Variants in ANO4 observed in about 807,000 individuals in gnomAD.
ANO4 encodes anoctamin 4, also known as anoctamin-4.
ANO4 carries 69 observed loss-of-function variants against 141.9 expected under a neutral mutation model. The ratio of observed to expected loss-of-function variants is 0.49; its 90% CI spans 0.40 to 0.59. The LOEUF (loss-of-function observed/expected upper bound fraction) is 0.59, where lower values mean the gene tolerates loss of function less well. Among genes scored for constraint, ANO4 ranks in the 20% least tolerant of loss-of-function variants. The pLI is 0.00. For synonymous variants in ANO4, 350 were observed against 394.3 expected (o/e 0.89, Z 1.33); for missense variants, 894 against 1,162.2 (o/e 0.77, Z 3.36).
intron 5 of ANO4, among the ~76,000 whole-genome samples, chr12:100,964,115 T>C (rs1026099134): frequency 2.0e-5 from 3 of 152,178 alleles, no homozygotes; most frequent in African/African-American, 7.2e-5. Context: ...GCATTGACTG[T>C]AATATATAAT....
chr12:100,747,458 T>G (rs762250232), intron 3 of ANO4, among the ~76,000 whole-genome samples: 1 of 152,192 alleles, frequency 6.6e-6, no homozygotes, highest in Non-Finnish European at 1.5e-5. Context: ...TCAAGACCAT[T>G]GGTAATCTCC....
intron 2 of ANO4, chr12:100,739,750 T>G: frequency 1.5e-6 from 1 of 650,882 alleles, no homozygotes; most frequent in Non-Finnish European, 2.8e-6. Context: ...TTAGCTCAAA[T>G]GGTATTTGGT....
chr12:100,921,535 G>A (rs1451695490), intron 2 of ANO4, among the ~76,000 whole-genome samples: 1 of 152,114 alleles, frequency 6.6e-6, no homozygotes, highest in Non-Finnish European at 1.5e-5. Context: ...AGGTTTGGAA[G>A]GTTTATTGTT....
At chr12:100,788,942 C>A (rs952999259) in intron 3 of ANO4, among the ~76,000 whole-genome samples, 16 of 151,256 alleles carry the variant, frequency 1.1e-4, no homozygotes, top group Admixed American at 1.1e-3. Flanking sequence ...AGAAGCCATT[C>A]CAGGATCTAA....
chr12:100,991,748 C>T (rs956593873), intron 8 of ANO4, among the ~76,000 whole-genome samples: 1 of 152,050 alleles, frequency 6.6e-6, no homozygotes, highest in Non-Finnish European at 1.5e-5. Context: ...CTTTCTCACT[C>T]ATTTTTGAAT....
intron 1 of ANO4, among the ~76,000 whole-genome samples, chr12:100,729,390 A>AAAAAAAAAT (rs869060169): frequency 1.4e-5 from 2 of 146,032 alleles, no homozygotes; most frequent in Non-Finnish European, 3.0e-5. Flanking sequence ...AAAAAAAAAA[A>AAAAAAAAAT]GGTAACACTA....
At chr12:100,795,148 G>A (rs2034226410) in intron 1 of ANO4, 121 bp downstream of exon 1, 1 of 152,698 alleles carries the variant, frequency 6.5e-6, no homozygotes, top group Admixed American at 6.5e-5. Context: ...CATGGATCTT[G>A]TCTGGGATGA....
chr12:100,983,707 T>C (rs1056246287), intron 7 of ANO4, among the ~76,000 whole-genome samples: 1 of 152,232 alleles, frequency 6.6e-6, no homozygotes, highest in Non-Finnish European at 1.5e-5. Flanking sequence ...TGATTCTCCT[T>C]CTGCCACATC....
intron 3 of ANO4, among the ~76,000 whole-genome samples, chr12:100,756,589 T>C (rs1450233448): frequency 1.3e-5 from 2 of 152,024 alleles, no homozygotes; most frequent in Non-Finnish European, 2.9e-5. Context: ...ACCTTGTGAT[T>C]CACCCACCTT....
At chr12:100,970,687 T>TC (rs2043888733) in intron 5 of ANO4, among the ~76,000 whole-genome samples, 3 of 116,586 alleles carry the variant, frequency 2.6e-5, no homozygotes, top group Non-Finnish European at 5.2e-5. Flanking sequence ...CCTTCCTTCC[T>TC]TCCTTCCTTC....
intron 3 of ANO4, among the ~76,000 whole-genome samples, chr12:100,923,872 T>C (rs1310890904): frequency 1.3e-5 from 2 of 152,218 alleles, no homozygotes; most frequent in African/African-American, 4.8e-5. Flanking sequence ...TTGATTTGCA[T>C]TTCTCTGATG....
intron 5 of ANO4, among the ~76,000 whole-genome samples, chr12:100,957,121 A>G (rs1197600109): frequency 1.3e-5 from 2 of 152,206 alleles, no homozygotes; most frequent in African/African-American, 4.8e-5. Flanking sequence ...TGAAGAAAAT[A>G]TTATCATTTA....
chr12:100,922,327 G>A lies in ANO4; in HGVS notation c.157G>A (p.Glu53Lys), dbSNP rs1218218611. The A allele has an allele frequency of 1.3e-6, 2 of 1,524,450 alleles. No individual in the cohort carries two copies. Among genetic ancestry groups the A allele is most frequent in the Non-Finnish European group, 1.7e-6 (2 of 1,142,874 alleles). 94.4% of individuals were successfully genotyped at this position (1,524,450 alleles called of 1,614,324 possible). ...DFSEILNAIQ[E>K]MAKDVNILFD... ...TTCAGAGATTCTTAATGCAATACAAGAAAGTAAGTTTCACTCAAATTTTAA... is the reference window on the plus strand; with the variant it reads ...TTCAGAGATTCTTAATGCAATACAAAAAAGTAAGTTTCACTCAAATTTTAA... The change falls in exon 3 of 28, where the codon GAA becomes AAA. Residue 53 changes from glutamate (E) to lysine (K), a missense_variant. Glu to Lys is a moderately conservative substitution (Grantham distance 56). Transcript: ENST00000392977.
chr12:101,054,630 G>T (rs2048026058), intron 14 of ANO4, among the ~76,000 whole-genome samples: 1 of 152,200 alleles, frequency 6.6e-6, no homozygotes, highest in South Asian at 2.1e-4. Context: ...CTCTCGAGTA[G>T]CTGGGATTAC....
At chr12:100,777,773 A>G (rs753681898) in intron 3 of ANO4, among the ~76,000 whole-genome samples, 2 of 152,134 alleles carry the variant, frequency 1.3e-5, no homozygotes, top group South Asian at 2.1e-4. Flanking sequence ...TTTTACTCAT[A>G]TTAATATTTT....
chr12:101,029,966 C>T (rs1245738602), intron 9 of ANO4, among the ~76,000 whole-genome samples: 1 of 149,260 alleles, frequency 6.7e-6, no homozygotes, highest in African/African-American at 2.5e-5. Context: ...ACAGAAGCAC[C>T]CAGATTCATA....
intron 1 of ANO4, among the ~76,000 whole-genome samples, chr12:100,883,370 G>C (rs1455735227): frequency 6.6e-6 from 1 of 152,220 alleles, no homozygotes; most frequent in African/African-American, 2.4e-5. Context: ...CTCTGTTAAA[G>C]TGCAAAAGCA....
chr12:101,046,752 C>A (rs896407957), intron 13 of ANO4, among the ~76,000 whole-genome samples: 1 of 151,786 alleles, frequency 6.6e-6, no homozygotes, highest in Non-Finnish European at 1.5e-5. Context: ...AGCTGTCTGT[C>A]TCCAAATGTT....
chr12:100,972,846 C>G (rs1244639044), intron 6 of ANO4, among the ~76,000 whole-genome samples: 1 of 152,100 alleles, frequency 6.6e-6, no homozygotes, highest in East Asian at 1.9e-4. Context: ...AACAAAGAAC[C>G]CAGGGAGATG....
Sources: gnomAD v4.1 joint callset for allele counts (sites outside exome capture counted in the v4.1 genomes callset) on GRCh38, gnomAD v4.1.1 for gene constraint, MANE v1.5 for transcripts, NCBI Gene and HGNC (gene_info 2026-07-23, HGNC 2026-07-21) for gene names.